GRM3: variants seen among roughly 807,000 people sequenced by gnomAD.
GRM3 encodes metabotropic glutamate receptor 3.
In GRM3, 26 loss-of-function variants were observed where a neutral mutation model predicts 70.5. The observed-to-expected ratio is 0.37, with a 90% confidence interval of 0.27 to 0.51. The LOEUF (loss-of-function observed/expected upper bound fraction) is 0.51, where lower values mean the gene tolerates loss of function less well. GRM3 is among the 20% of genes least tolerant of loss of function. The pLI is 0.93. For missense variants in GRM3, 859 were observed against 1,123.8 expected, an observed-to-expected ratio of 0.76 and a Z score of 3.37; for synonymous variants, 443 against 434.9, an observed-to-expected ratio of 1.02 and a Z score of -0.23.
At chr7:86,674,493 G>A (rs924845005) in intron 1 of GRM3, among the ~76,000 whole-genome samples, 7 of 152,090 alleles carry the variant, frequency 4.6e-5, no homozygotes, top group Non-Finnish European at 1.0e-4. Flanking sequence ...GGGAAATTAG[G>A]CTCTACCTTC....
chr7:86,753,500 C>T (rs1225936119), intron 1 of GRM3, among the ~76,000 whole-genome samples: 1 of 152,066 alleles, frequency 6.6e-6, no homozygotes, highest in Non-Finnish European at 1.5e-5. Flanking sequence ...TATTCATATA[C>T]ACATGCATAC....
intron 1 of GRM3, among the ~76,000 whole-genome samples, chr7:86,689,230 T>C (rs1794640547): frequency 6.6e-6 from 1 of 151,760 alleles, no homozygotes; most frequent in African/African-American, 2.4e-5. Flanking sequence ...CATAACATAA[T>C]GAATAAATAG....
chr7:86,857,542 T>C (rs917300323), intron 5 of GRM3, among the ~76,000 whole-genome samples: 1 of 152,144 alleles, frequency 6.6e-6, no homozygotes, highest in Non-Finnish European at 1.5e-5. Context: ...GAGTGAGAGA[T>C]AGCAGTAGAA....
chr7:86,828,931 CTT>C (rs1798297166), intron 3 of GRM3, among the ~76,000 whole-genome samples: 2 of 152,216 alleles, frequency 1.3e-5, no homozygotes, highest in African/African-American at 4.8e-5. Context: ...TAAATCCTCT[CTT>C]GTCATTTCAA....
At chr7:86,774,366 TG>T (rs1796829940) in intron 2 of GRM3, among the ~76,000 whole-genome samples, 1 of 152,098 alleles carries the variant, frequency 6.6e-6, no homozygotes, top group Admixed American at 6.6e-5. Context: ...CAAAAACACC[TG>T]CAGTTAAACT....
intron 1 of GRM3, among the ~76,000 whole-genome samples, chr7:86,740,916 G>A (rs1050653404): frequency 6.6e-6 from 1 of 152,148 alleles, no homozygotes; most frequent in African/African-American, 2.4e-5. Context: ...CACGTCCGCT[G>A]AAGATGTACA....
chr7:86,747,020 T>C (rs62488005), intron 1 of GRM3, among the ~76,000 whole-genome samples: 9,712 of 152,188 alleles, frequency 0.064, 416 homozygotes, highest in Non-Finnish European at 0.085. Flanking sequence ...GGTAATCAAG[T>C]CACTTAAAGA....
At chr7:86,676,862 T>C (rs1348813273) in intron 1 of GRM3, among the ~76,000 whole-genome samples, 1 of 152,010 alleles carries the variant, frequency 6.6e-6, no homozygotes, top group Non-Finnish European at 1.5e-5. Flanking sequence ...CATCTTTTCA[T>C]CTGCTATTAT....
At chr7:86,742,711 A>G (rs1323618588) in intron 1 of GRM3, among the ~76,000 whole-genome samples, 1 of 152,128 alleles carries the variant, frequency 6.6e-6, no homozygotes, top group East Asian at 1.9e-4. Flanking sequence ...CTTAGCAAAA[A>G]TTCTTATTGA....
intron 1 of GRM3, among the ~76,000 whole-genome samples, chr7:86,681,485 T>C (rs1794439492): frequency 1.3e-5 from 2 of 152,148 alleles, no homozygotes; most frequent in South Asian, 2.1e-4. Context: ...CTAGCATTAA[T>C]AAGGAATGAA....
chr7:86,651,846 C>A (rs894515570), intron 1 of GRM3, among the ~76,000 whole-genome samples: 2 of 152,164 alleles, frequency 1.3e-5, no homozygotes, highest in Non-Finnish European at 2.9e-5. Flanking sequence ...CCCCCAACAC[C>A]CAAAATATAT....
chr7:86,732,342 G>A (rs923841247), intron 1 of GRM3, among the ~76,000 whole-genome samples: 6 of 152,134 alleles, frequency 3.9e-5, no homozygotes, highest in African/African-American at 1.4e-4. Flanking sequence ...GCACATACAA[G>A]TAAGAGGCAG....
At position 86,863,203 on chromosome 7, in the gene GRM3, G is replaced by C. The variant is rs138471524; in HGVS notation, c.2567-1079G>C. 3.3e-3 allele frequency among the ~76,000 whole-genome samples: 507 copies of C among 152,228 alleles called. 3 individuals are homozygous for C. Among genetic ancestry groups the C allele is most frequent in the African/African-American group, 0.012 (489 of 41,534 alleles). The stretch of plus-strand genomic sequence containing the variant: ...AGTGAAAAGAAAAAGCATTAAGGGT[G>C]AAATATATATAACTTATCTGTACCT... On this transcript the variant is annotated intron_variant, in intron 5 of 5. Transcript: ENST00000361669.
intron 1 of GRM3, among the ~76,000 whole-genome samples, chr7:86,691,376 T>C (rs564826101): frequency 1.1e-3 from 160 of 152,180 alleles, no homozygotes; most frequent in Middle Eastern, 6.8e-3. Flanking sequence ...TCAAAGCATA[T>C]AATTTCCTAA....
intron 1 of GRM3, among the ~76,000 whole-genome samples, chr7:86,741,712 C>T (rs540353186): frequency 8.5e-5 from 13 of 152,260 alleles, no homozygotes; most frequent in East Asian, 1.9e-4. Flanking sequence ...ATAAGAATCT[C>T]AAGAAATAGG....
intron 1 of GRM3, among the ~76,000 whole-genome samples, chr7:86,694,530 AAAAGAAAGAAAG>A (rs1794770157): frequency 9.2e-5 from 4 of 43,624 alleles, no homozygotes; most frequent in East Asian, 2.6e-3. Context: ...AAAAAAAAAG[AAAAGAAAGAAAG>A]AAAAGAAAGA....
chr7:86,681,948 G>A (rs1035517233), intron 1 of GRM3, among the ~76,000 whole-genome samples: 10 of 152,182 alleles, frequency 6.6e-5, no homozygotes, highest in Non-Finnish European at 1.5e-4. Flanking sequence ...CACAGGTACT[G>A]ACAAAGCAAG....
intron 1 of GRM3, among the ~76,000 whole-genome samples, chr7:86,652,988 G>A (rs185532808): frequency 1.5e-4 from 23 of 152,256 alleles, no homozygotes; most frequent in African/African-American, 4.6e-4. Context: ...TGTTGTCTTA[G>A]TCTGCTCAGA....
chr7:86,846,075 G>A (rs1798650143), intron 4 of GRM3, among the ~76,000 whole-genome samples: 2 of 152,216 alleles, frequency 1.3e-5, no homozygotes, highest in South Asian at 4.2e-4. Flanking sequence ...GTTTTCCAGG[G>A]CTGTCGCTGA....
Sources: allele counts gnomAD v4.1 joint callset (sites outside exome capture counted in the v4.1 genomes callset), GRCh38; gene constraint gnomAD v4.1.1; transcripts MANE v1.5; gene names NCBI Gene and HGNC (gene_info 2026-07-23, HGNC 2026-07-21).